ZRANB3: variants seen among roughly 807,000 people sequenced by gnomAD.
ZRANB3 encodes zinc finger RANBP2-type containing 3.
In ZRANB3, 125 loss-of-function variants were observed where a neutral mutation model predicts 133.8. The ratio of observed to expected loss-of-function variants is 0.93; its 90% CI spans 0.81 to 1.08. The LOEUF (loss-of-function observed/expected upper bound fraction) is 1.08, where lower values mean the gene tolerates loss of function less well. Among genes scored for constraint, ZRANB3 ranks in the 50% least tolerant of loss-of-function variants. The pLI is 0.00. For synonymous variants in ZRANB3, 387 were observed against 432.7 expected (o/e 0.89, Z 1.31); for missense variants, 1,229 against 1,275.5 (o/e 0.96, Z 0.56).
At chr2:135,224,558 CCTCT>C in intron 14 of ZRANB3, 41 bp from the exon 15 acceptor site, 1 of 1,461,626 alleles carries the variant, frequency 6.8e-7, no homozygotes, top group Non-Finnish European at 9.5e-7. Flanking sequence ...GCTTATCTAC[CCTCT>C]ATCTAAAATA....
In ZRANB3 at chr2:135,363,244, T is replaced by C. The variant is rs563631381; in HGVS notation, c.181-9616A>G. 9.2e-5 allele frequency among the ~76,000 whole-genome samples: 14 copies of C among 152,236 alleles called. No individual in the cohort carries two copies. The South Asian group carries it at 2.3e-3, about 25-fold the overall frequency. ...AGTGCAGTGGCATGATCATAGTTCA[T>C]TGTAACCTCAAACTCCTGGCTCAAG... On this transcript the variant is annotated intron_variant, in intron 3 of 20. Coordinates refer to ENST00000264159, the MANE Select transcript of ZRANB3 (RefSeq NM_032143.4).
At chr2:135,261,990 T>C (rs7557040) in intron 12 of ZRANB3, among the ~76,000 whole-genome samples, 15,864 of 151,770 alleles carry the variant, frequency 0.1, 1,091 homozygotes, top group South Asian at 0.32. Flanking sequence ...TGAAACCCCG[T>C]CTTTAATAAA....
chr2:135,497,930 G>A (rs1692751900), intron 2 of ZRANB3, among the ~76,000 whole-genome samples: 1 of 151,962 alleles, frequency 6.6e-6, no homozygotes, highest in African/African-American at 2.4e-5. Context: ...GTGTGCACCT[G>A]TAGTCCCAGC....
intron 6 of ZRANB3, among the ~76,000 whole-genome samples, chr2:135,318,778 C>A (rs1033322212): frequency 1.3e-5 from 2 of 151,952 alleles, no homozygotes; most frequent in South Asian, 2.1e-4. Context: ...AATTCAATGA[C>A]GTAAAAAGAA....
intron 2 of ZRANB3, among the ~76,000 whole-genome samples, chr2:135,422,018 A>G (rs918594343): frequency 2.6e-5 from 4 of 151,268 alleles, no homozygotes; most frequent in African/African-American, 7.3e-5. Context: ...ATCTTCATGC[A>G]TAGCTTCTTA....
At chr2:135,286,987 T>C (rs1681406089) in intron 8 of ZRANB3, among the ~76,000 whole-genome samples, 1 of 152,222 alleles carries the variant, frequency 6.6e-6, no homozygotes, top group African/African-American at 2.4e-5. Context: ...GGTCATGAAC[T>C]CTTTGCCTAG....
intron 6 of ZRANB3, among the ~76,000 whole-genome samples, chr2:135,333,756 A>G (rs532567653): frequency 6.6e-6 from 1 of 152,360 alleles, no homozygotes; most frequent in Non-Finnish European, 1.5e-5. Flanking sequence ...ACACATTAGA[A>G]TGTATTGAAA....
At chr2:135,417,389 T>G (rs1182739271) in intron 2 of ZRANB3, among the ~76,000 whole-genome samples, 1 of 151,580 alleles carries the variant, frequency 6.6e-6, no homozygotes, top group Non-Finnish European at 1.5e-5. Flanking sequence ...ATCAGAGAAA[T>G]GCAAATCAAA....
At chr2:135,264,785 C>T (rs185590461) in intron 12 of ZRANB3, among the ~76,000 whole-genome samples, 9 of 149,872 alleles carry the variant, frequency 6.0e-5, no homozygotes, top group Admixed American at 5.3e-4. Flanking sequence ...CTCACTCTAT[C>T]GCCCAGCCTG....
intron 2 of ZRANB3, among the ~76,000 whole-genome samples, chr2:135,430,724 A>G (rs904470411): frequency 6.6e-6 from 1 of 152,206 alleles, no homozygotes; most frequent in Non-Finnish European, 1.5e-5. Flanking sequence ...AGATATATAG[A>G]TTAATCAAAC....
intron 11 of ZRANB3, among the ~76,000 whole-genome samples, chr2:135,266,146 T>C (rs1680235434): frequency 2.0e-5 from 3 of 151,782 alleles, no homozygotes; most frequent in Non-Finnish European, 4.4e-5. Context: ...GAGGCGGAGG[T>C]TGCAGTGAGC....
rs557852702 is a variant in ZRANB3 at position 135,271,792 on chromosome 2, G to C, written c.1182C>G (p.Ile394Met). ...CCTGGCCAGCAGCCTGAATGCTTAGGATAGCCACGCGAGTGTCAGGATCCT... is the reference window on the plus strand; with the variant it reads ...CCTGGCCAGCAGCCTGAATGCTTAGCATAGCCACGCGAGTGTCAGGATCCT... The part of the protein sequence containing the change: ...FQKDPDTRVA[I>M]LSIQAAGQGL... Residue 394 changes from isoleucine (I) to methionine (M), a missense_variant, in exon 10 of 21, where the codon ATC becomes ATG. Transcript: ENST00000264159. 6.2e-7 allele frequency: 1 copy of C among 1,613,386 alleles called. No individual in the cohort carries two copies. Among genetic ancestry groups the C allele is most frequent in the South Asian group, 1.1e-5 (1 of 90,866 alleles).
intron 17 of ZRANB3, among the ~76,000 whole-genome samples, chr2:135,210,024 C>T (rs1482721822): frequency 6.6e-6 from 1 of 152,116 alleles, no homozygotes; most frequent in East Asian, 1.9e-4. Context: ...AATTTTCTCT[C>T]TCACTCCCAT....
chr2:135,455,376 C>T lies in ZRANB3; in HGVS notation c.161+48953G>A, dbSNP rs111313620. Among the ~76,000 whole-genome samples, 454 of 150,970 alleles carry T rather than the reference C, an allele frequency of 3.0e-3. 3 individuals are homozygous for T. The highest frequency in any genetic ancestry group is 0.01 in the African/African-American group (417 of 41,218). ...GCTAATTTTGTATTTTTACTAGAGA[C>T]GGGGTTTCGCCACGTTGGCCAGGAT... On this transcript the variant is annotated intron_variant, in intron 2 of 20. Coordinates refer to ENST00000264159, the MANE Select transcript of ZRANB3 (RefSeq NM_032143.4).
At chr2:135,432,705 C>T (rs572590534) in intron 2 of ZRANB3, among the ~76,000 whole-genome samples, 1 of 152,230 alleles carries the variant, frequency 6.6e-6, no homozygotes, top group Non-Finnish European at 1.5e-5. Flanking sequence ...TTCAGCTGGC[C>T]CAAACAGGAA....
intron 8 of ZRANB3, among the ~76,000 whole-genome samples, chr2:135,296,054 T>A (rs6757155): frequency 6.6e-6 from 1 of 152,114 alleles, no homozygotes. Flanking sequence ...CAATTGTGTA[T>A]CTTGGAGTTG....
chr2:135,314,880 G>A (rs983540942), intron 7 of ZRANB3, among the ~76,000 whole-genome samples: 7 of 151,846 alleles, frequency 4.6e-5, no homozygotes, highest in African/African-American at 1.7e-4. Flanking sequence ...CTCCCGAGTA[G>A]CTGGGATTAC....
At chr2:135,511,511 G>A in intron 1 of ZRANB3, 2 of 997,894 alleles carry the variant, frequency 2.0e-6, no homozygotes, top group East Asian at 2.4e-5. Context: ...TCCTCCTGAG[G>A]CTCAGTGACA....
intron 8 of ZRANB3, among the ~76,000 whole-genome samples, chr2:135,307,225 T>G (rs1682751082): frequency 6.6e-6 from 1 of 152,078 alleles, no homozygotes; most frequent in Admixed American, 6.5e-5. Flanking sequence ...ACCATCACAC[T>G]GAGCTAATTT....
Sources: gnomAD v4.1 joint callset for allele counts (sites outside exome capture counted in the v4.1 genomes callset) on GRCh38, gnomAD v4.1.1 for gene constraint, MANE v1.5 for transcripts, NCBI Gene and HGNC (gene_info 2026-07-23, HGNC 2026-07-21) for gene names.